The following ADAMTS19 variants were observed in gnomAD, a reference collection of about 807,000 sequenced individuals.
ADAMTS19 encodes A disintegrin and metalloproteinase with thrombospondin motifs 19.
ADAMTS19 carries 93 observed loss-of-function variants against 153.3 expected under a neutral mutation model. The observed-to-expected ratio is 0.61, with a 90% CI of 0.51 to 0.72. The LOEUF (loss-of-function observed/expected upper bound fraction) is 0.72, where lower values mean the gene tolerates loss of function less well. Among genes scored for constraint, ADAMTS19 ranks in the 30% least tolerant of loss-of-function variants. The probability of loss-of-function intolerance (pLI) is 0.00; values close to 1 mark genes in which losing one functional copy is unlikely to be tolerated. For missense variants in ADAMTS19, 1,482 were observed against 1,552.1 expected, an observed-to-expected ratio of 0.95 and a Z score of 0.76; for synonymous variants, 600 against 556.6, an observed-to-expected ratio of 1.08 and a Z score of -1.10.
At chr5:129,683,612 C>G (rs1754927971) in intron 17 of ADAMTS19, among the ~76,000 whole-genome samples, 1 of 151,892 alleles carries the variant, frequency 6.6e-6, no homozygotes, top group Non-Finnish European at 1.5e-5. Flanking sequence ...TTATGAAGTT[C>G]AGTGATCCCC....
chr5:129,518,070 T>C (rs1187727708), intron 3 of ADAMTS19, among the ~76,000 whole-genome samples: 1 of 152,034 alleles, frequency 6.6e-6, no homozygotes, highest in Non-Finnish European at 1.5e-5. Flanking sequence ...CAAAAAGAAA[T>C]CCAACAAAAA....
intron 17 of ADAMTS19, among the ~76,000 whole-genome samples, chr5:129,683,216 T>C (rs1157293530): frequency 7.3e-6 from 1 of 137,192 alleles, no homozygotes; most frequent in Admixed American, 8.0e-5. Flanking sequence ...ATTAACTCTT[T>C]CATTAAAATA....
At chr5:129,614,713 G>A (rs540555821) in intron 8 of ADAMTS19, among the ~76,000 whole-genome samples, 2 of 152,134 alleles carry the variant, frequency 1.3e-5, no homozygotes, top group South Asian at 4.2e-4. Context: ...AAGAAATAAA[G>A]GGTATTCAAT....
At position 129,680,761 on chromosome 5, in the gene ADAMTS19, C is replaced by CAAA. The variant is rs529460608; in HGVS notation, c.2664+852_2664+854dup. On this transcript the variant is annotated intron_variant, in intron 17 of 22. Coordinates refer to ENST00000274487, the MANE Select transcript of ADAMTS19 (RefSeq NM_133638.6). ...TGGGTGACAGAGGGAGACTCTGTCT[C>CAAA]AAAAAAAAAAAAAACAAAAAAAAAA... Among the ~76,000 whole-genome samples the CAAA allele has an allele frequency of 9.7e-3, 878 of 90,706 alleles. 8 individuals are homozygous for CAAA. The highest frequency in any genetic ancestry group is 0.028 in the African/African-American group (841 of 29,906). The allele number at this position is 90,706 out of a possible 152,430, so 59.5% of individuals were successfully genotyped here. A position where few individuals can be genotyped will look rare whatever the true frequency, so the allele number is the denominator to read the frequency against.
chr5:129,676,583 G>T (rs1238085428), intron 16 of ADAMTS19, among the ~76,000 whole-genome samples: 1 of 151,984 alleles, frequency 6.6e-6, no homozygotes, highest in East Asian at 1.9e-4. Context: ...CTTCTCTTAG[G>T]GATCGCAGTT....
At chr5:129,669,406 T>C (rs1754198534) in intron 16 of ADAMTS19, among the ~76,000 whole-genome samples, 1 of 152,090 alleles carries the variant, frequency 6.6e-6, no homozygotes, top group South Asian at 2.1e-4. Context: ...CTAAACTTGT[T>C]TATAATACTC....
At chr5:129,589,310 T>A (rs950857278) in intron 7 of ADAMTS19, among the ~76,000 whole-genome samples, 1 of 151,842 alleles carries the variant, frequency 6.6e-6, no homozygotes, top group African/African-American at 2.4e-5. Context: ...TTTGTAGCAC[T>A]TTTTTTACTA....
At chr5:129,711,874 T>A (rs372312587) in intron 21 of ADAMTS19, among the ~76,000 whole-genome samples, 13 of 152,204 alleles carry the variant, frequency 8.5e-5, no homozygotes, top group African/African-American at 2.9e-4. Context: ...AACTAAAGTA[T>A]TTCTCCTTTC....
At chr5:129,608,856 AG>A (rs1751057321) in intron 8 of ADAMTS19, among the ~76,000 whole-genome samples, 1 of 150,404 alleles carries the variant, frequency 6.6e-6, no homozygotes, top group African/African-American at 2.4e-5. Flanking sequence ...CAAAAAAAAA[AG>A]AAAAAAAAAA....
intron 6 of ADAMTS19, among the ~76,000 whole-genome samples, chr5:129,548,244 C>T (rs1296166696): frequency 6.7e-6 from 1 of 148,176 alleles, no homozygotes; most frequent in African/African-American, 2.6e-5. Flanking sequence ...AGGCAACCTA[C>T]AAAATGGGAG....
At chr5:129,479,098 G>A (rs1750325043) in intron 2 of ADAMTS19, among the ~76,000 whole-genome samples, 1 of 152,106 alleles carries the variant, frequency 6.6e-6, no homozygotes, top group South Asian at 2.1e-4. Flanking sequence ...TGTCACCCTA[G>A]AGGGGAAGCT....
intron 10 of ADAMTS19, among the ~76,000 whole-genome samples, chr5:129,632,820 C>G (rs985688590): frequency 3.3e-5 from 5 of 151,974 alleles, no homozygotes; most frequent in African/African-American, 1.2e-4. Context: ...GCAAGATAGT[C>G]TCTTTATCTT....
chr5:129,680,051 A>G, intron 17 of ADAMTS19, 130 bp downstream of exon 17: 2 of 1,053,348 alleles, frequency 1.9e-6, no homozygotes, highest in Non-Finnish European at 2.6e-6. Flanking sequence ...TAAAAAGTGG[A>G]ATTTTTAGAG....
intron 13 of ADAMTS19, among the ~76,000 whole-genome samples, chr5:129,651,705 C>G (rs1753324008): frequency 6.6e-6 from 1 of 152,174 alleles, no homozygotes. Context: ...AATTATGTGT[C>G]CCTTCCAAGT....
At chr5:129,610,260 G>A (rs993880071) in intron 8 of ADAMTS19, among the ~76,000 whole-genome samples, 15 of 152,044 alleles carry the variant, frequency 9.9e-5, no homozygotes, top group East Asian at 5.8e-4. Flanking sequence ...CTGTGTAAAC[G>A]CAGATTAGAA....
chr5:129,521,765 A>C (rs183522231), intron 3 of ADAMTS19, among the ~76,000 whole-genome samples: 3 of 152,294 alleles, frequency 2.0e-5, no homozygotes, highest in African/African-American at 7.2e-5. Context: ...ACTCAGTCAC[A>C]TAATTACACT....
chr5:129,601,217 T>C (rs1403760677), intron 8 of ADAMTS19, among the ~76,000 whole-genome samples: 6 of 152,188 alleles, frequency 3.9e-5, no homozygotes, highest in Non-Finnish European at 8.8e-5. Context: ...ACAAGAAATA[T>C]TTTTACTGGT....
At position 129,704,372 on chromosome 5, in the gene ADAMTS19, G is replaced by T. The variant is rs267600341; in HGVS notation, c.3293G>T (p.Arg1098Leu). 6.2e-6 allele frequency: 10 copies of T among 1,613,898 alleles called. No individual in the cohort carries two copies. The South Asian group carries it at 7.7e-5, about 12-fold the overall frequency. Residue 1098 changes from arginine (R) to leucine (L), a missense_variant, in exon 21 of 23, where the codon CGA becomes CTA. Around this residue, in one of 2 missense-constraint regions of ADAMTS19, gnomAD observed 616 missense variants for 724.4 expected, o/e 0.85. Coordinates refer to ENST00000274487, the MANE Select transcript of ADAMTS19 (RefSeq NM_133638.6). ...CEDYSKCYVW[R>L]MGDWSKCSIT... ...GATTATTCAAAATGCTATGTGTGGCGAATGGGTGACTGGTCTAAGGTGAGA... is the reference window on the plus strand; with the variant it reads ...GATTATTCAAAATGCTATGTGTGGCTAATGGGTGACTGGTCTAAGGTGAGA...
chr5:129,619,100 G>A (rs1480366366), intron 8 of ADAMTS19, among the ~76,000 whole-genome samples: 1 of 152,004 alleles, frequency 6.6e-6, no homozygotes, highest in Non-Finnish European at 1.5e-5. Context: ...CCTGATAGAA[G>A]TAAACTGCAT....
Sources: allele counts gnomAD v4.1 joint callset (sites outside exome capture counted in the v4.1 genomes callset), GRCh38; gene constraint gnomAD v4.1.1; regional missense constraint gnomAD v4.1.1; transcripts MANE v1.5; gene names NCBI Gene and HGNC (gene_info 2026-07-23, HGNC 2026-07-21).